The following SNX8 variants were observed in gnomAD, a reference collection of about 807,000 sequenced individuals.
The protein encoded by SNX8 is sorting nexin-8.
A neutral mutation model predicts 51.6 loss-of-function variants in SNX8; 25 were observed. The ratio of observed to expected loss-of-function variants is 0.48; its 90% CI spans 0.35 to 0.68. SNX8 has a LOEUF of 0.68. SNX8 is among the 30% of genes least tolerant of loss of function. The pLI, the probability that SNX8 is intolerant of heterozygous loss-of-function variation, is 0.00. For missense variants in SNX8, 695 were observed against 624.0 expected, an observed-to-expected ratio of 1.11 and a Z score of -1.21; for synonymous variants, 324 against 277.0, an observed-to-expected ratio of 1.17 and a Z score of -1.68.
In SNX8 at chr7:2,338,929, C is replaced by T. The variant is rs574377008; in HGVS notation, c.-66+15293G>A. On this transcript the variant is annotated intron_variant, in intron 1 of 5. Transcript: ENST00000435336. ...TTGCCTCTATTTCTTTTTATTTTTC[C>T]GAGACAAGATCTGTCCTGTCACCCA... Among the ~76,000 whole-genome samples, 72 of 152,096 alleles carry T rather than the reference C, an allele frequency of 4.7e-4. 1 individual carries two copies. In the South Asian group the frequency reaches 8.5e-3, roughly 18 times the overall value.
rs553221745 is a variant in SNX8, at chr7:2,267,785, G to A, written c.621+1774C>T. Among the ~76,000 whole-genome samples, 35 of 129,280 alleles carry A rather than the reference G, an allele frequency of 2.7e-4. No individual in the cohort carries two copies. The South Asian group carries it at 7.1e-3, about 26-fold the overall frequency. The allele number at this position is 129,280 out of a possible 152,430, so 84.8% of individuals were successfully genotyped here. A position where few individuals can be genotyped will look rare whatever the true frequency, so the allele number is the denominator to read the frequency against. ...TGCCTGGCCGCCCATCGTCTGGGAT[G>A]TGAGGAGCCCCTCTGCCTGGCTGCC... On this transcript the variant is annotated intron_variant, in intron 5 of 10. Transcript: ENST00000222990.
intron 7 of SNX8, among the ~76,000 whole-genome samples, chr7:2,262,470 G>A (rs1441844082): frequency 6.6e-6 from 1 of 152,156 alleles, no homozygotes; most frequent in Non-Finnish European, 1.5e-5. Context: ...TTCTGCCCAT[G>A]CAGCAGGAGC....
chr7:2,340,249 T>A (rs570413178), intron 1 of SNX8, among the ~76,000 whole-genome samples: 133 of 150,680 alleles, frequency 8.8e-4, no homozygotes, highest in African/African-American at 3.0e-3. Context: ...TTTTTTTTTT[T>A]TTATTATAGA....
rs554317392 is a variant in SNX8 at position 2,284,788 on chromosome 7, A to G, written c.95-6483T>C. ...CTTTTCCACTGAAATCAAATGAAAG[A>G]CAGTCCGCAGATGTCTTCAATTTTC... On this transcript the variant is annotated intron_variant, in intron 1 of 10. Transcript: ENST00000222990. 2.6e-5 allele frequency among the ~76,000 whole-genome samples: 4 copies of G among 152,284 alleles called. No individual in the cohort carries two copies. The East Asian group carries it at 7.7e-4, about 29-fold the overall frequency.
intron 1 of SNX8, among the ~76,000 whole-genome samples, chr7:2,302,192 C>T (rs1016025012): frequency 6.6e-6 from 1 of 152,242 alleles, no homozygotes; most frequent in African/African-American, 2.4e-5. Context: ...CGGCTCACTG[C>T]AACCTCCCTG....
intron 1 of SNX8, among the ~76,000 whole-genome samples, chr7:2,339,367 A>G (rs1417907107): frequency 1.3e-5 from 2 of 150,820 alleles, no homozygotes; most frequent in Non-Finnish European, 2.9e-5. Flanking sequence ...CACCACGCCC[A>G]GCTAATTTTT....
chr7:2,322,511 A>G (rs1778542730), intron 1 of SNX8, among the ~76,000 whole-genome samples: 1 of 151,884 alleles, frequency 6.6e-6, no homozygotes, highest in African/African-American at 2.4e-5. Context: ...CCTGGCTAAC[A>G]TGATGAAACC....
chr7:2,346,607 G>A (rs545719012), intron 1 of SNX8, among the ~76,000 whole-genome samples: 14 of 151,292 alleles, frequency 9.3e-5, no homozygotes, highest in South Asian at 2.1e-4. Flanking sequence ...TTAGCCGGGC[G>A]TGGTGGTGGG....
intron 1 of SNX8, among the ~76,000 whole-genome samples, chr7:2,335,205 A>C (rs1221101409): frequency 8.3e-6 from 1 of 120,030 alleles, no homozygotes; most frequent in East Asian, 2.8e-4. Flanking sequence ...CAAAAGAAAA[A>C]AGAAAAAAAA....
At chr7:2,332,739 G>A (rs1379718946) in intron 1 of SNX8, among the ~76,000 whole-genome samples, 1 of 133,146 alleles carries the variant, frequency 7.5e-6, no homozygotes, top group Non-Finnish European at 1.7e-5. Flanking sequence ...GAGAGAGAGA[G>A]AGAAAAGGAA....
At chr7:2,257,157 G>T (rs1277264790) in intron 9 of SNX8, 134 bp from the exon 10 acceptor site, 1 of 1,219,760 alleles carries the variant, frequency 8.2e-7, no homozygotes, top group Non-Finnish European at 1.1e-6. Context: ...GGAAGGTGGC[G>T]AGGTAAGAGA....
At chr7:2,278,023 C>CA in intron 2 of SNX8, 77 bp downstream of exon 2, 1 of 1,542,978 alleles carries the variant, frequency 6.5e-7, no homozygotes. Flanking sequence ...CCTGTCACAC[C>CA]ACTCCTGCCC....
At chr7:2,261,291 G>C (rs1329219562) in intron 7 of SNX8, among the ~76,000 whole-genome samples, 1 of 152,126 alleles carries the variant, frequency 6.6e-6, no homozygotes. Flanking sequence ...AAATTAGCCG[G>C]GTGTGGTGGT....
upstream of SNX8, chr7:2,354,353 G>A (rs1200116945): frequency 1.3e-5 from 2 of 152,234 alleles, no homozygotes; most frequent in Admixed American, 6.5e-5. Context: ...TGACAGACAC[G>A]GACAGGGGGG....
intron 1 of SNX8, among the ~76,000 whole-genome samples, chr7:2,289,285 G>A (rs1584706604): frequency 6.6e-6 from 1 of 152,180 alleles, no homozygotes; most frequent in Non-Finnish European, 1.5e-5. Flanking sequence ...CGTGGCTCTT[G>A]GTGGACATAT....
chr7:2,326,233 C>T (rs976893989), intron 1 of SNX8, among the ~76,000 whole-genome samples: 16 of 151,972 alleles, frequency 1.1e-4, no homozygotes, highest in Non-Finnish European at 1.0e-4. Flanking sequence ...GGCATGGTGG[C>T]ACATGTCTGT....
intron 1 of SNX8, among the ~76,000 whole-genome samples, chr7:2,322,113 G>C (rs1434600832): frequency 6.6e-6 from 1 of 152,128 alleles, no homozygotes; most frequent in East Asian, 1.9e-4. Context: ...CACATGTAGT[G>C]CTTTTCATTT....
At chr7:2,269,186 G>C (rs1448641077) in intron 5 of SNX8, among the ~76,000 whole-genome samples, 1 of 150,936 alleles carries the variant, frequency 6.6e-6, no homozygotes, top group East Asian at 1.9e-4. Context: ...TCTGTACTAA[G>C]AAAAATTCCT....
chr7:2,329,085 CA>C lies in SNX8; in HGVS notation c.-66+25136del, dbSNP rs574333536. Among the ~76,000 whole-genome samples the C allele has an allele frequency of 4.8e-3, 488 of 101,154 alleles. 2 individuals carry two copies. The highest frequency in any genetic ancestry group is 0.016 in the African/African-American group (423 of 27,180). 66.4% of individuals were successfully genotyped at this position (101,154 alleles called of 152,430 possible). A position where few individuals can be genotyped will look rare whatever the true frequency, so the allele number is the denominator to read the frequency against. On this transcript the variant is annotated intron_variant, in intron 1 of 5. Transcript: ENST00000435336. ...TGGGTGACAGAGTGAGACTCTGTCT[CA>C]AAAAAAAAAAAACAAAACATACAAA...
Sources: allele counts gnomAD v4.1 joint callset (sites outside exome capture counted in the v4.1 genomes callset), GRCh38; gene constraint gnomAD v4.1.1; transcripts MANE v1.5; gene names NCBI Gene and HGNC (gene_info 2026-07-23, HGNC 2026-07-21).